HSDL2: variants seen among roughly 807,000 people sequenced by gnomAD.
The protein encoded by HSDL2 is hydroxysteroid dehydrogenase like 2, also known as hydroxysteroid dehydrogenase-like protein 2.
Under a neutral mutation model 46.3 loss-of-function variants are expected in HSDL2, and 27 were observed. That is an observed-to-expected ratio of 0.58 (90% CI 0.43 to 0.80). HSDL2 has a LOEUF of 0.80. Ranked by LOEUF, HSDL2 falls within the 30% of genes least tolerant of loss-of-function variation. The probability of loss-of-function intolerance (pLI) is 0.00; values close to 1 mark genes in which losing one functional copy is unlikely to be tolerated. For missense variants in HSDL2, 451 were observed against 502.7 expected, an observed-to-expected ratio of 0.90 and a Z score of 0.98; for synonymous variants, 153 against 163.6, an observed-to-expected ratio of 0.94 and a Z score of 0.50.
At chr9:112,433,272 G>C (rs1158688058) in intron 6 of HSDL2, among the ~76,000 whole-genome samples, 1 of 152,160 alleles carries the variant, frequency 6.6e-6, no homozygotes, top group Non-Finnish European at 1.5e-5. Context: ...CTGTGCGGTG[G>C]AACTACAAGG....
intron 4 of HSDL2, among the ~76,000 whole-genome samples, chr9:112,409,529 C>G (rs1022569688): frequency 2.0e-5 from 3 of 152,132 alleles, no homozygotes; most frequent in Non-Finnish European, 2.9e-5. Flanking sequence ...AGCTCCTTTT[C>G]TCTATGAATT....
At chr9:112,437,372 A>G (rs993783648) in intron 6 of HSDL2, among the ~76,000 whole-genome samples, 1 of 152,154 alleles carries the variant, frequency 6.6e-6, no homozygotes, top group Non-Finnish European at 1.5e-5. Context: ...GACTAGGTGA[A>G]AGAGTTTATA....
intron 6 of HSDL2, among the ~76,000 whole-genome samples, chr9:112,425,541 T>C (rs949787244): frequency 6.6e-6 from 1 of 152,302 alleles, no homozygotes; most frequent in East Asian, 1.9e-4. Context: ...AAAGTTCAAA[T>C]AGATTTCCAT....
intron 4 of HSDL2, chr9:112,414,157 A>G: frequency 6.5e-6 from 1 of 154,274 alleles, no homozygotes; most frequent in East Asian, 1.9e-4. Context: ...CTTAAAGTAC[A>G]TTGATTTCTT....
intron 10 of HSDL2, among the ~76,000 whole-genome samples, chr9:112,468,418 G>A (rs945979902): frequency 5.3e-5 from 8 of 151,820 alleles, no homozygotes; most frequent in African/African-American, 1.7e-4. Flanking sequence ...CTAGGAGATC[G>A]ACTCACCTTC....
intron 1 of HSDL2, among the ~76,000 whole-genome samples, chr9:112,391,356 C>T (rs1831340821): frequency 1.3e-5 from 2 of 151,800 alleles, no homozygotes. Flanking sequence ...ACCCGTAGTT[C>T]CAGGTACTTG....
chr9:112,391,013 T>C (rs1247631001), intron 1 of HSDL2, among the ~76,000 whole-genome samples: 1 of 151,672 alleles, frequency 6.6e-6, no homozygotes, highest in Non-Finnish European at 1.5e-5. Flanking sequence ...CTGTCTCTAC[T>C]AAAAATACAA....
intron 10 of HSDL2, chr9:112,469,836 C>T (rs1230088600): frequency 6.6e-6 from 1 of 152,178 alleles, no homozygotes; most frequent in African/African-American, 2.4e-5. Flanking sequence ...CCCGTACTGA[C>T]ACTGGAATAA....
chr9:112,449,848 C>T (rs949490449), intron 8 of HSDL2, among the ~76,000 whole-genome samples: 1 of 151,568 alleles, frequency 6.6e-6, no homozygotes, highest in Admixed American at 6.6e-5. Context: ...AAAAAAAATT[C>T]ACCATTTGGA....
At chr9:112,427,815 A>G (rs1832286961) in intron 6 of HSDL2, among the ~76,000 whole-genome samples, 1 of 152,046 alleles carries the variant, frequency 6.6e-6, no homozygotes, top group Admixed American at 6.6e-5. Context: ...TTCTGGCATT[A>G]TTTTATTTAT....
At chr9:112,406,961 A>G (rs1831746249) in intron 3 of HSDL2, among the ~76,000 whole-genome samples, 2 of 152,136 alleles carry the variant, frequency 1.3e-5, no homozygotes, top group South Asian at 4.1e-4. Flanking sequence ...TCTCCCCGCT[A>G]ATGTTCTGGA....
intron 3 of HSDL2, among the ~76,000 whole-genome samples, chr9:112,407,093 G>C (rs988800003): frequency 6.6e-6 from 1 of 152,196 alleles, no homozygotes; most frequent in Non-Finnish European, 1.5e-5. Flanking sequence ...GAAGCACGGA[G>C]CTTTGGCTCA....
At chr9:112,453,929 A>G (rs1020281099) in intron 8 of HSDL2, 84 bp from the exon 9 acceptor site, 10 of 1,280,638 alleles carry the variant, frequency 7.8e-6, no homozygotes, top group Non-Finnish European at 1.0e-5. Flanking sequence ...ATTGGTGGCA[A>G]GTCTGTCCTG....
chr9:112,453,312 T>C (rs1034665049), intron 8 of HSDL2, among the ~76,000 whole-genome samples: 4 of 152,236 alleles, frequency 2.6e-5, no homozygotes, highest in Non-Finnish European at 5.9e-5. Flanking sequence ...TGTTCTCATT[T>C]GGTTTTAGAA....
intron 10 of HSDL2, among the ~76,000 whole-genome samples, chr9:112,464,891 T>G (rs1217963899): frequency 6.6e-6 from 1 of 152,164 alleles, no homozygotes; most frequent in Non-Finnish European, 1.5e-5. Flanking sequence ...CACCTGTCAA[T>G]GTAATATCCC....
At chr9:112,433,256 T>C (rs997175228) in intron 6 of HSDL2, among the ~76,000 whole-genome samples, 1 of 152,158 alleles carries the variant, frequency 6.6e-6, no homozygotes, top group Non-Finnish European at 1.5e-5. Context: ...TTTGGGAAAA[T>C]ACTTTCTGTG....
intron 6 of HSDL2, 143 bp from the exon 7 acceptor site, chr9:112,438,288 C>A: frequency 1.7e-6 from 1 of 603,356 alleles, no homozygotes; most frequent in Non-Finnish European, 2.5e-6. Context: ...ATCCCTTAAG[C>A]AATCTGGACT....
intron 6 of HSDL2, among the ~76,000 whole-genome samples, chr9:112,429,771 A>T (rs1832342254): frequency 6.6e-6 from 1 of 152,214 alleles, no homozygotes; most frequent in African/African-American, 2.4e-5. Flanking sequence ...TGAGGAAGGA[A>T]GGTGGCAATT....
intron 1 of HSDL2, among the ~76,000 whole-genome samples, chr9:112,383,074 TTCTG>T (rs1831134366): frequency 1.3e-5 from 2 of 152,126 alleles, no homozygotes; most frequent in East Asian, 1.9e-4. Context: ...AGATCTTTCT[TTCTG>T]TCTTTCTTTT....
Sources: allele counts gnomAD v4.1 joint callset (sites outside exome capture counted in the v4.1 genomes callset), GRCh38; gene constraint gnomAD v4.1.1; transcripts MANE v1.5; gene names NCBI Gene and HGNC (gene_info 2026-07-23, HGNC 2026-07-21).